The following LDB2 variants were observed in gnomAD, a reference collection of about 807,000 sequenced individuals.
The protein encoded by LDB2 is LIM domain-binding protein 2.
LDB2 carries 12 observed loss-of-function variants against 44.3 expected under a neutral mutation model. The ratio of observed to expected loss-of-function variants is 0.27; its 90% CI spans 0.17 to 0.44. The LOEUF is 0.44. LDB2 is among the 20% of genes least tolerant of loss of function. The pLI is 1.00. For missense variants in LDB2, 344 were observed against 473.5 expected (o/e 0.73, Z 2.54); for synonymous variants, 164 against 174.8 (o/e 0.94, Z 0.49).
At chr4:16,709,556 A>T (rs895009817) in intron 2 of LDB2, among the ~76,000 whole-genome samples, 1 of 152,196 alleles carries the variant, frequency 6.6e-6, no homozygotes, top group African/African-American at 2.4e-5. Context: ...CTTTTAACTC[A>T]CAAGATATTT....
chr4:16,569,541 A>T (rs966431494), intron 5 of LDB2, among the ~76,000 whole-genome samples: 16 of 152,282 alleles, frequency 1.1e-4, no homozygotes, highest in Admixed American at 9.2e-4. Context: ...CATACAGCAG[A>T]TGCTTAGTAA....
intron 2 of LDB2, among the ~76,000 whole-genome samples, chr4:16,667,444 G>A (rs1743598422): frequency 6.6e-6 from 1 of 152,172 alleles, no homozygotes; most frequent in Non-Finnish European, 1.5e-5. Flanking sequence ...AGATCTAGAG[G>A]TGGGACAATT....
chr4:16,517,964 A>G (rs1577320225), intron 5 of LDB2, among the ~76,000 whole-genome samples: 1 of 152,292 alleles, frequency 6.6e-6, no homozygotes, highest in African/African-American at 2.4e-5. Flanking sequence ...GCAAGGAGTC[A>G]TTTGTTAATG....
intron 1 of LDB2, among the ~76,000 whole-genome samples, chr4:16,803,107 T>C (rs1778165062): frequency 6.6e-6 from 1 of 152,238 alleles, no homozygotes; most frequent in Non-Finnish European, 1.5e-5. Flanking sequence ...CCCTCCCTGT[T>C]GGACTACATT....
chr4:16,700,552 T>G (rs1433576297), intron 2 of LDB2, among the ~76,000 whole-genome samples: 1 of 152,218 alleles, frequency 6.6e-6, no homozygotes, highest in Non-Finnish European at 1.5e-5. Flanking sequence ...ATATTTATTC[T>G]GTTTTGCCTG....
intron 5 of LDB2, among the ~76,000 whole-genome samples, chr4:16,515,465 G>A (rs1389797304): frequency 3.3e-5 from 5 of 152,186 alleles, no homozygotes; most frequent in Admixed American, 2.6e-4. Flanking sequence ...ACAAATCAAA[G>A]TGTAAGTTAC....
chr4:16,774,081 G>C (rs1771329654), intron 1 of LDB2, among the ~76,000 whole-genome samples: 1 of 150,792 alleles, frequency 6.6e-6, no homozygotes, highest in Admixed American at 6.6e-5. Context: ...CTTGAACCAG[G>C]GAGGCAGAGG....
chr4:16,654,963 T>C (rs62296947), intron 2 of LDB2, among the ~76,000 whole-genome samples: 21,484 of 151,980 alleles, frequency 0.14, 1,750 homozygotes, highest in East Asian at 0.28. Flanking sequence ...CACGAAACCA[T>C]TGAGAATACA....
intron 2 of LDB2, among the ~76,000 whole-genome samples, chr4:16,628,443 T>C (rs1362483394): frequency 2.0e-5 from 3 of 152,190 alleles, no homozygotes; most frequent in Non-Finnish European, 4.4e-5. Flanking sequence ...ATTTTCCAAA[T>C]TGATAGTGTA....
chr4:16,789,377 T>C (rs1775204713), intron 1 of LDB2, among the ~76,000 whole-genome samples: 2 of 152,162 alleles, frequency 1.3e-5, no homozygotes, highest in Admixed American at 1.3e-4. Flanking sequence ...ACAAACAAGG[T>C]TCCCTGACCT....
chr4:16,533,686 C>A lies in LDB2; in HGVS notation c.616-21582G>T, dbSNP rs1730856331. On this transcript the variant is annotated intron_variant, in intron 5 of 7. Coordinates refer to ENST00000304523, the MANE Select transcript of LDB2 (RefSeq NM_001290.5). The surrounding 1 kb of genome is among the most constrained non-coding windows in gnomAD (Gnocchi z 4.1). ...GACACCTTGTCTGAGGGACGTCACC[C>A]TGGCTGAACAAATGGTTGCTTATGT... Among the ~76,000 whole-genome samples, 1 of 152,232 alleles carries A rather than the reference C, an allele frequency of 6.6e-6. No homozygotes were observed.
intron 2 of LDB2, among the ~76,000 whole-genome samples, chr4:16,618,517 G>A (rs1176845208): frequency 6.6e-6 from 1 of 152,132 alleles, no homozygotes; most frequent in Non-Finnish European, 1.5e-5. Flanking sequence ...TTGTGTATGT[G>A]TGTATATACA....
intron 5 of LDB2, among the ~76,000 whole-genome samples, chr4:16,517,992 G>A (rs1453444339): frequency 6.6e-6 from 1 of 152,154 alleles, no homozygotes; most frequent in East Asian, 1.9e-4. Context: ...AATCAGGCAT[G>A]GTCCTGTGTG....
At chr4:16,554,582 C>G (rs1738850346) in intron 5 of LDB2, among the ~76,000 whole-genome samples, 2 of 152,116 alleles carry the variant, frequency 1.3e-5, no homozygotes, top group African/African-American at 4.8e-5. Context: ...AAATAGAACA[C>G]CATTCAGCAC....
intron 1 of LDB2, 119 bp from the exon 2 acceptor site, chr4:16,759,379 T>C (rs1057072833): frequency 8.4e-6 from 6 of 713,110 alleles, no homozygotes; most frequent in Non-Finnish European, 1.4e-5. Flanking sequence ...CGCGTATGTG[T>C]GTAGGTGTTC....
chr4:16,709,993 C>T (rs1170947923), intron 2 of LDB2, among the ~76,000 whole-genome samples: 1 of 151,934 alleles, frequency 6.6e-6, no homozygotes, highest in Non-Finnish European at 1.5e-5. Context: ...GATTAGGAGC[C>T]CTAAGCCTCT....
At chr4:16,705,857 TC>T (rs1480087143) in intron 2 of LDB2, among the ~76,000 whole-genome samples, 7 of 152,146 alleles carry the variant, frequency 4.6e-5, no homozygotes, top group African/African-American at 1.7e-4. Flanking sequence ...GTCCCCTCTC[TC>T]CAATCAGATA....
intron 1 of LDB2, among the ~76,000 whole-genome samples, chr4:16,879,670 G>T (rs1289892798): frequency 2.0e-5 from 3 of 152,132 alleles, no homozygotes; most frequent in Non-Finnish European, 4.4e-5. Context: ...GCTTTCTTGG[G>T]TCTCCAGCTT....
At chr4:16,752,548 G>T (rs1189417437) in intron 2 of LDB2, 2 of 365,252 alleles carry the variant, frequency 5.5e-6, no homozygotes, top group East Asian at 1.7e-4. Flanking sequence ...GAACTCCATG[G>T]TAATTTGAAG....
Sources: gnomAD v4.1 joint callset for allele counts (sites outside exome capture counted in the v4.1 genomes callset) on GRCh38, gnomAD v4.1.1 for gene constraint, Gnocchi (gnomAD v3.1) non-coding constraint, MANE v1.5 for transcripts, NCBI Gene and HGNC (gene_info 2026-07-23, HGNC 2026-07-21) for gene names.